The following RDX variants were observed in gnomAD, a reference collection of about 807,000 sequenced individuals.
RDX encodes deafness, autosomal recessive 24.
In RDX, 32 loss-of-function variants were observed where a neutral mutation model predicts 83.7. The observed-to-expected ratio is 0.38, with a 90% CI of 0.29 to 0.51. RDX has a LOEUF of 0.51. RDX is among the 20% of genes least tolerant of loss of function. RDX has a pLI of 0.87. For missense variants in RDX, 600 were observed against 689.9 expected (o/e 0.87, Z 1.46); for synonymous variants, 229 against 222.7 (o/e 1.03, Z -0.25).
At chr11:110,246,385 T>C (rs1859105995) in intron 10 of RDX, among the ~76,000 whole-genome samples, 1 of 152,152 alleles carries the variant, frequency 6.6e-6, no homozygotes, top group South Asian at 2.1e-4. Context: ...AATCAAAATA[T>C]ATCTTAAATA....
intron 10 of RDX, among the ~76,000 whole-genome samples, chr11:110,239,363 T>C (rs747784895): frequency 2.0e-5 from 3 of 152,048 alleles, no homozygotes; most frequent in East Asian, 1.9e-4. Context: ...AAAAGCTCTA[T>C]ACAGCAAAAG....
At chr11:110,284,831 T>C (rs1032597872) in intron 1 of RDX, among the ~76,000 whole-genome samples, 1 of 152,110 alleles carries the variant, frequency 6.6e-6, no homozygotes, top group Non-Finnish European at 1.5e-5. Flanking sequence ...CCAACACAGG[T>C]ATTATTAAAA....
At chr11:110,202,134 G>A (rs1863432435) in intron 14 of RDX, among the ~76,000 whole-genome samples, 1 of 151,846 alleles carries the variant, frequency 6.6e-6, no homozygotes, top group South Asian at 2.1e-4. Context: ...GCTCACACCT[G>A]TAATCCCAGC....
rs907444162 is a variant in RDX at position 110,263,895 on chromosome 11, T to C, written c.467+65A>G. 1.3e-5 allele frequency: 19 copies of C among 1,426,744 alleles called. 1 individual carries two copies. The highest frequency in any genetic ancestry group is 1.7e-5 in the Non-Finnish European group (18 of 1,037,098). The allele number at this position is 1,426,744 out of a possible 1,614,324, so 88.4% of individuals were successfully genotyped here. On this transcript the variant is annotated intron_variant, in intron 5 of 13. Coordinates refer to ENST00000645495, the MANE Select transcript of RDX (RefSeq NM_002906.4). ...AAAAAAAAAAAAAACCTGAAAAACGTTTTATTTATAGACTTCTAGAATACA... is the reference window on the plus strand; with the variant it reads ...AAAAAAAAAAAAAACCTGAAAAACGCTTTATTTATAGACTTCTAGAATACA...
chr11:110,278,067 T>C (rs903589025), intron 2 of RDX, among the ~76,000 whole-genome samples: 5 of 152,302 alleles, frequency 3.3e-5, no homozygotes, highest in Admixed American at 3.3e-4. Context: ...CTCCAGTAAA[T>C]TGTGTGACAC....
intron 9 of RDX, among the ~76,000 whole-genome samples, chr11:110,252,919 A>T (rs1859398070): frequency 6.6e-6 from 1 of 152,200 alleles, no homozygotes; most frequent in Admixed American, 6.5e-5. Context: ...GGCACATGCC[A>T]CCATCCTCAG....
intron 1 of RDX, among the ~76,000 whole-genome samples, chr11:110,282,322 C>T (rs1203522732): frequency 1.3e-5 from 2 of 152,114 alleles, no homozygotes; most frequent in African/African-American, 4.8e-5. Context: ...AATGGCTTGT[C>T]CTAAGTTACG....
In RDX at chr11:110,254,117, T is replaced by TA. The variant is rs775992157; in HGVS notation, c.796-9dup. On this transcript the variant is annotated splice_polypyrimidine_tract_variant and intron_variant, in intron 8 of 13. Coordinates refer to ENST00000645495, the MANE Select transcript of RDX (RefSeq NM_002906.4). ...TGCATAAAACACAAAATCCTAAACA[T>TA]AAAGTATTCTGAATTTAAAATCTTC... is the stretch of plus-strand genomic sequence containing the variant. The TA allele has an allele frequency of 5.0e-6, 8 of 1,611,540 alleles. No homozygotes were observed. Among genetic ancestry groups the TA allele is most frequent in the Admixed American group, 1.7e-5 (1 of 59,890 alleles).
intron 15 of RDX, among the ~76,000 whole-genome samples, chr11:110,181,247 C>T (rs1254515141): frequency 1.3e-5 from 2 of 151,786 alleles, no homozygotes; most frequent in Non-Finnish European, 2.9e-5. Flanking sequence ...ACTACAACCT[C>T]CGCCTCCCGG....
intron 14 of RDX, among the ~76,000 whole-genome samples, chr11:110,217,511 A>G (rs1400021110): frequency 6.6e-6 from 1 of 152,342 alleles, no homozygotes; most frequent in African/African-American, 2.4e-5. Flanking sequence ...CACAAAGTAC[A>G]TCTTAACCTC....
intron 3 of RDX, among the ~76,000 whole-genome samples, chr11:110,270,250 T>C (rs1383008188): frequency 1.3e-5 from 2 of 152,120 alleles, no homozygotes; most frequent in Non-Finnish European, 2.9e-5. Context: ...TATAGCCTAC[T>C]ACACACCTAG....
At chr11:110,275,445 T>C (rs2134411651) in intron 2 of RDX, among the ~76,000 whole-genome samples, 1 of 152,332 alleles carries the variant, frequency 6.6e-6, no homozygotes, top group South Asian at 2.1e-4. Context: ...TGTGGGATAA[T>C]ACATGGGTGC....
intron 15 of RDX, among the ~76,000 whole-genome samples, chr11:110,189,724 C>T (rs567009865): frequency 2.0e-5 from 3 of 152,298 alleles, no homozygotes; most frequent in South Asian, 2.1e-4. Context: ...CACACAATTA[C>T]ATGGAAATTA....
At chr11:110,253,847 A>G in intron 9 of RDX, 99 bp downstream of exon 9, 1 of 970,500 alleles carries the variant, frequency 1.0e-6, no homozygotes, top group Non-Finnish European at 1.6e-6. Context: ...GAAAATATTA[A>G]TAAATACAAA....
At chr11:110,288,091 G>A (rs1861058947) in intron 1 of RDX, among the ~76,000 whole-genome samples, 1 of 152,170 alleles carries the variant, frequency 6.6e-6, no homozygotes, top group Non-Finnish European at 1.5e-5. Context: ...GTAAGGGTGA[G>A]AGGCAGTTTT....
chr11:110,198,882 C>T (rs1863296961), intron 15 of RDX, among the ~76,000 whole-genome samples: 1 of 151,200 alleles, frequency 6.6e-6, no homozygotes, highest in Non-Finnish European at 1.5e-5. Context: ...GTGGTGCCAT[C>T]TCGGCTCACT....
At chr11:110,273,077 G>A in intron 2 of RDX, 1 of 456,176 alleles carries the variant, frequency 2.2e-6, no homozygotes, top group Admixed American at 2.3e-5. Context: ...AAATTAGTTG[G>A]GTGTGGTGGC....
intron 15 of RDX, among the ~76,000 whole-genome samples, chr11:110,177,054 A>G (rs975883781): frequency 6.6e-6 from 1 of 152,254 alleles, no homozygotes; most frequent in African/African-American, 2.4e-5. Context: ...AGCCAAATGC[A>G]TCTTCCAGAG....
At chr11:110,285,696 G>A (rs34787877) in intron 1 of RDX, among the ~76,000 whole-genome samples, 1 of 131,404 alleles carries the variant, frequency 7.6e-6, no homozygotes, top group Non-Finnish European at 1.6e-5. Flanking sequence ...CTGGGCGACA[G>A]AGTGAGACTT....
Sources: allele counts gnomAD v4.1 joint callset (sites outside exome capture counted in the v4.1 genomes callset), GRCh38; gene constraint gnomAD v4.1.1; transcripts MANE v1.5; gene names NCBI Gene and HGNC (gene_info 2026-07-23, HGNC 2026-07-21).